ADARB2: variants seen among roughly 807,000 people sequenced by gnomAD.
ADARB2 encodes the protein inactive double-stranded RNA-specific editase B2.
A neutral mutation model predicts 62.2 loss-of-function variants in ADARB2; 25 were observed. The observed-to-expected ratio is 0.40, with a 90% CI of 0.29 to 0.56. The LOEUF is 0.56. ADARB2 is among the 20% of genes least tolerant of loss of function. The pLI, the probability that ADARB2 is intolerant of heterozygous loss-of-function variation, is 0.43. For synonymous variants in ADARB2, 572 were observed against 500.8 expected (o/e 1.14, Z -1.90); for missense variants, 1,071 against 1,077.4 (o/e 0.99, Z 0.08).
intron 1 of ADARB2, among the ~76,000 whole-genome samples, chr10:1,736,735 C>T (rs1002308794): frequency 1.3e-5 from 2 of 152,208 alleles, no homozygotes; most frequent in Non-Finnish European, 2.9e-5. Flanking sequence ...AGTGCCAGCC[C>T]GGCCGGCCAC....
chr10:1,326,460 C>T (rs79630980), intron 3 of ADARB2, among the ~76,000 whole-genome samples: 5,348 of 152,288 alleles, frequency 0.035, 316 homozygotes, highest in African/African-American at 0.12. Flanking sequence ...GGAGATGACC[C>T]TGTGCTAATT....
At chr10:1,355,919 GCATA>G (rs1299093635) in intron 3 of ADARB2, among the ~76,000 whole-genome samples, 3 of 152,026 alleles carry the variant, frequency 2.0e-5, no homozygotes, top group African/African-American at 7.2e-5. Context: ...GAAATATATA[GCATA>G]CATTGTATAT....
chr10:1,404,446 G>C (rs552078788), intron 1 of ADARB2, among the ~76,000 whole-genome samples: 48 of 152,338 alleles, frequency 3.2e-4, no homozygotes, highest in South Asian at 2.1e-3. Context: ...TCCAGCAGAC[G>C]CCAGGGAGAC....
At chr10:1,205,800 G>A (rs576926582) in intron 7 of ADARB2, among the ~76,000 whole-genome samples, 1 of 152,256 alleles carries the variant, frequency 6.6e-6, no homozygotes, top group East Asian at 1.9e-4. Flanking sequence ...GGGATGGACC[G>A]AGACTGGGTA....
intron 7 of ADARB2, among the ~76,000 whole-genome samples, chr10:1,203,643 C>T (rs545302059): frequency 6.2e-4 from 94 of 152,114 alleles, no homozygotes; most frequent in East Asian, 1.5e-3. Flanking sequence ...GGAGTCAGTG[C>T]GGCCATCAGC....
chr10:1,620,355 C>A (rs72766721), intron 1 of ADARB2, among the ~76,000 whole-genome samples: 10,501 of 152,070 alleles, frequency 0.069, 469 homozygotes, highest in East Asian at 0.22. Context: ...TTATGGGCAA[C>A]TTTATGGCCC....
intron 8 of ADARB2, among the ~76,000 whole-genome samples, chr10:1,199,206 G>A (rs79638820): frequency 0.013 from 1,910 of 146,264 alleles, 15 homozygotes; most frequent in Non-Finnish European, 0.022. Context: ...GCGGTGATTC[G>A]GAAACCCACC....
chr10:1,418,684 C>G (rs1195622729), intron 1 of ADARB2, among the ~76,000 whole-genome samples: 2 of 152,186 alleles, frequency 1.3e-5, no homozygotes, highest in African/African-American at 4.8e-5. Context: ...TATTATGTGA[C>G]TATCCAGACT....
At chr10:1,497,372 T>A (rs1831706754) in intron 1 of ADARB2, among the ~76,000 whole-genome samples, 1 of 152,234 alleles carries the variant, frequency 6.6e-6, no homozygotes, top group African/African-American at 2.4e-5. Flanking sequence ...CATTTAATAG[T>A]GTTCCTCTCC....
intron 1 of ADARB2, among the ~76,000 whole-genome samples, chr10:1,461,153 C>T (rs1359852094): frequency 6.6e-6 from 1 of 152,216 alleles, no homozygotes; most frequent in Non-Finnish European, 1.5e-5. Flanking sequence ...ATCATTTCAG[C>T]AACAACGTGA....
chr10:1,229,236 C>T (rs957837941), intron 6 of ADARB2, among the ~76,000 whole-genome samples: 1 of 152,178 alleles, frequency 6.6e-6, no homozygotes, highest in African/African-American at 2.4e-5. Flanking sequence ...TAGAATTTCT[C>T]GAGCCACATG....
In ADARB2 at chr10:1,184,918, G is replaced by T. The variant is rs1207091973; in HGVS notation, c.1986C>A (p.Gly662=). Residue 662 remains glycine (G), a synonymous_variant, in exon 9 of 10, where the codon GGC becomes GGA. Coordinates refer to ENST00000381312, the MANE Select transcript of ADARB2 (RefSeq NM_018702.4). ...NATTGRRSCG[G]PSRLCKHVLS... ...GCACGTGCTTGCAGAGCCGGGATGG[G>T]CCCCCACAGCTCCTCCGCCCAGTGG... 6.2e-7 allele frequency: 1 copy of T among 1,613,914 alleles called. No individual in the cohort carries two copies.
chr10:1,572,953 C>A (rs906439624), intron 1 of ADARB2, among the ~76,000 whole-genome samples: 1 of 152,248 alleles, frequency 6.6e-6, no homozygotes, highest in Non-Finnish European at 1.5e-5. Context: ...GCAGCGGTGA[C>A]CTTTCTCCAC....
At chr10:1,465,352 C>T (rs1226435364) in intron 1 of ADARB2, among the ~76,000 whole-genome samples, 1 of 152,162 alleles carries the variant, frequency 6.6e-6, no homozygotes, top group Non-Finnish European at 1.5e-5. Context: ...ACTGAATTTT[C>T]CTGTGTGTTA....
In ADARB2 at chr10:1,180,042, A is replaced by G. The variant is rs1836647595; in HGVS notation, c.*3151T>C. The G allele has an allele frequency of 1.3e-5, 2 of 152,168 alleles. No homozygotes were observed. Among genetic ancestry groups the G allele is most frequent in the Admixed American group, 6.5e-5 (1 of 15,286 alleles). The allele number at this position is 152,168 out of a possible 1,614,324, so 9.4% of individuals were successfully genotyped here. On this transcript the variant is annotated 3_prime_UTR_variant, in exon 10 of 10. Coordinates refer to ENST00000381312, the MANE Select transcript of ADARB2 (RefSeq NM_018702.4). ...GGGTGGCCACTCTTAAGACCAATTC[A>G]GTGGTCAAAACTGCAGGGCAGACAT...
intron 3 of ADARB2, among the ~76,000 whole-genome samples, 163 bp from the exon 4 acceptor site, chr10:1,271,232 C>A (rs1490239248): frequency 6.6e-6 from 1 of 152,160 alleles, no homozygotes; most frequent in Non-Finnish European, 1.5e-5. Context: ...CCACACACGG[C>A]CTCTCCCTGG....
At position 1,528,668 on chromosome 10, in the gene ADARB2, C is replaced by T. The variant is rs547213012; in HGVS notation, c.101-149508G>A. The stretch of plus-strand genomic sequence containing the variant: ...CATGCTGGTTGATGGCACTCTTGCC[C>T]GTTGGGTGAGAAAGCCCTTTCCTGG... On this transcript the variant is annotated intron_variant, in intron 1 of 9. Coordinates refer to ENST00000381312, the MANE Select transcript of ADARB2 (RefSeq NM_018702.4). Among the ~76,000 whole-genome samples the T allele has an allele frequency of 2.1e-3, 319 of 152,280 alleles. 2 individuals are homozygous for T. Among genetic ancestry groups the T allele is most frequent in the African/African-American group, 7.2e-3 (301 of 41,538 alleles).
intron 1 of ADARB2, among the ~76,000 whole-genome samples, chr10:1,576,097 GGGAGGGGGCTCAGAGTCACA>G (rs1833013968): frequency 1.6e-5 from 1 of 61,368 alleles, no homozygotes; most frequent in Non-Finnish European, 3.8e-5. Context: ...TCAGGGCCAC[GGGAGGGGGCTCAGAGTCACA>G]GGAGGGGGCC....
intron 3 of ADARB2, among the ~76,000 whole-genome samples, chr10:1,312,570 A>C (rs1446183470): frequency 6.6e-6 from 1 of 152,126 alleles, no homozygotes; most frequent in Non-Finnish European, 1.5e-5. Context: ...GTTGTTTATA[A>C]TTTCACTCCA....
Sources: allele counts gnomAD v4.1 joint callset (sites outside exome capture counted in the v4.1 genomes callset), GRCh38; gene constraint gnomAD v4.1.1; transcripts MANE v1.5; gene names NCBI Gene and HGNC (gene_info 2026-07-23, HGNC 2026-07-21).